Variants in PCDH15 observed in about 807,000 individuals in gnomAD.
PCDH15 encodes protocadherin-15.
In PCDH15, 129 loss-of-function variants were observed where a neutral mutation model predicts 178.5. The observed-to-expected ratio is 0.72, with a 90% CI of 0.63 to 0.84. The LOEUF is 0.84. Ranked by LOEUF, PCDH15 falls within the 40% of genes least tolerant of loss-of-function variation. The pLI is 0.00. For missense variants in PCDH15, 2,230 were observed against 2,099.9 expected (o/e 1.06, Z -1.21); for synonymous variants, 800 against 732.0 (o/e 1.09, Z -1.50).
intron 2 of PCDH15, among the ~76,000 whole-genome samples, chr10:55,014,037 A>C (rs1840110570): frequency 6.6e-6 from 1 of 152,236 alleles, no homozygotes; most frequent in African/African-American, 2.4e-5. Flanking sequence ...CTGAACAGTT[A>C]CTTTATAATA....
At chr10:55,151,661 C>T (rs1423425892) in intron 2 of PCDH15, among the ~76,000 whole-genome samples, 1 of 152,064 alleles carries the variant, frequency 6.6e-6, no homozygotes, top group Non-Finnish European at 1.5e-5. Context: ...TACTCTATCA[C>T]ATGACCATGT....
chr10:54,009,872 AC>A (rs201023512), intron 20 of PCDH15, among the ~76,000 whole-genome samples: 1,735 of 152,202 alleles, frequency 0.011, 16 homozygotes, highest in Middle Eastern at 0.024. Context: ...GCAGAGCCAT[AC>A]TCAGGCACAC....
intron 2 of PCDH15, among the ~76,000 whole-genome samples, chr10:54,594,531 C>T (rs558416373): frequency 6.6e-6 from 1 of 152,144 alleles, no homozygotes; most frequent in South Asian, 2.1e-4. Flanking sequence ...CTGCAGCTGA[C>T]TGGGAGAGTG....
chr10:54,563,186 C>A (rs553027378), intron 2 of PCDH15, among the ~76,000 whole-genome samples: 1 of 152,154 alleles, frequency 6.6e-6, no homozygotes, highest in Non-Finnish European at 1.5e-5. Flanking sequence ...ATGATCTATA[C>A]ATTTGAAAAA....
rs72798539 is a variant in PCDH15 at position 54,894,643 on chromosome 10, A to G, written c.-29+2807T>C. ...AAGTGACTTTTATTTCTGTATTAAAAATTCAGTTATTCCTATGGCCAACCA... is the reference window on the plus strand; with the variant it reads ...AAGTGACTTTTATTTCTGTATTAAAGATTCAGTTATTCCTATGGCCAACCA... On this transcript the variant is annotated intron_variant, in intron 3 of 5. Coordinates refer to the PCDH15 transcript ENST00000458638. Among the ~76,000 whole-genome samples the G allele has an allele frequency of 7.1e-3, 1,079 of 152,274 alleles. 9 individuals carry two copies. The highest frequency in any genetic ancestry group is 0.011 in the Non-Finnish European group (727 of 68,016).
intron 1 of PCDH15, among the ~76,000 whole-genome samples, chr10:54,715,129 G>T (rs1378696219): frequency 2.6e-5 from 4 of 151,884 alleles, no homozygotes; most frequent in Non-Finnish European, 5.9e-5. Context: ...ATCTGTTTTA[G>T]TTCACCACTA....
chr10:55,395,190 TGTGTGTGAGA>T (rs2132018180), intron 2 of PCDH15, among the ~76,000 whole-genome samples: 1 of 89,602 alleles, frequency 1.1e-5, no homozygotes, highest in African/African-American at 5.0e-5. Context: ...TGTGTGTGTG[TGTGTGTGAGA>T]GAGAGAGAGA....
intron 2 of PCDH15, among the ~76,000 whole-genome samples, chr10:55,451,758 A>G (rs1052486276): frequency 6.6e-6 from 1 of 152,180 alleles, no homozygotes. Context: ...GTTGACATCT[A>G]TATTAAGTGA....
intron 2 of PCDH15, among the ~76,000 whole-genome samples, chr10:54,663,601 T>C (rs977076688): frequency 4.6e-5 from 7 of 151,182 alleles, no homozygotes; most frequent in African/African-American, 1.7e-4. Context: ...CTTTCTAAAA[T>C]GACTGACTTA....
chr10:55,061,907 C>T (rs188946050), intron 2 of PCDH15, among the ~76,000 whole-genome samples: 519 of 152,282 alleles, frequency 3.4e-3, no homozygotes, highest in Middle Eastern at 6.8e-3. Flanking sequence ...GCAGTCCCAG[C>T]TACTCAGGAG....
intron 3 of PCDH15, among the ~76,000 whole-genome samples, chr10:54,416,834 G>T (rs1430708961): frequency 6.6e-6 from 1 of 152,122 alleles, no homozygotes; most frequent in African/African-American, 2.4e-5. Flanking sequence ...GCATGAGATG[G>T]TATCTCACTG....
chr10:53,892,910 A>C (rs1227717395), intron 26 of PCDH15, among the ~76,000 whole-genome samples: 3 of 152,220 alleles, frequency 2.0e-5, no homozygotes, highest in Non-Finnish European at 4.4e-5. Context: ...CATTTGTGCC[A>C]CAGAATTTCA....
rs1190069181 is a variant in PCDH15 at position 53,822,106 on chromosome 10, C to CTGTT, written c.4368-1880_4368-1877dup. 3 of 1,613,774 alleles carry CTGTT rather than the reference C, an allele frequency of 1.9e-6. No homozygotes were observed. The South Asian group carries it at 3.3e-5, about 18-fold the overall frequency. On this transcript the variant is annotated intron_variant, in intron 32 of 37. Coordinates refer to ENST00000644397, the MANE Select transcript of PCDH15 (RefSeq NM_001384140.1). Reference sequence around the variant, plus strand: ...ATGCCTTTTGGTTCTCTCTGAGGGTCTGTTTTACACACTGTCGTTGTTGAT... The same window carrying CTGTT: ...ATGCCTTTTGGTTCTCTCTGAGGGTCTGTTTGTTTTACACACTGTCGTTGTTGAT...
At chr10:54,980,804 T>C (rs764794989) in intron 2 of PCDH15, among the ~76,000 whole-genome samples, 1 of 152,118 alleles carries the variant, frequency 6.6e-6, no homozygotes, top group Non-Finnish European at 1.5e-5. Flanking sequence ...GACGATTTAT[T>C]GATATTAAAA....
At chr10:54,044,923 T>C (rs1349390631) in intron 18 of PCDH15, among the ~76,000 whole-genome samples, 1 of 151,984 alleles carries the variant, frequency 6.6e-6, no homozygotes, top group Non-Finnish European at 1.5e-5. Flanking sequence ...GTCCAGAAAA[T>C]TGCACATAAC....
At chr10:54,421,045 A>G (rs1290318308) in intron 3 of PCDH15, among the ~76,000 whole-genome samples, 1 of 152,058 alleles carries the variant, frequency 6.6e-6, no homozygotes, top group Non-Finnish European at 1.5e-5. Flanking sequence ...ATCATACCCT[A>G]TAGCTTTCTA....
chr10:54,929,788 G>A (rs568006526), intron 2 of PCDH15, among the ~76,000 whole-genome samples: 25 of 152,312 alleles, frequency 1.6e-4, no homozygotes, highest in African/African-American at 6.0e-4. Flanking sequence ...CAATCAGCTG[G>A]AGCTGTGTGA....
chr10:55,330,760 G>A (rs374110134), intron 2 of PCDH15, among the ~76,000 whole-genome samples: 2 of 151,542 alleles, frequency 1.3e-5, no homozygotes, highest in Non-Finnish European at 3.0e-5. Flanking sequence ...TCCTGATGAC[G>A]AAGGTCTCCA....
intron 8 of PCDH15, among the ~76,000 whole-genome samples, chr10:54,302,291 G>A (rs2060192613): frequency 6.6e-6 from 1 of 152,160 alleles, no homozygotes; most frequent in Non-Finnish European, 1.5e-5. Flanking sequence ...GATATTATGT[G>A]TTGTACAGGG....
Sources: allele counts gnomAD v4.1 joint callset (sites outside exome capture counted in the v4.1 genomes callset), GRCh38; gene constraint gnomAD v4.1.1; transcripts MANE v1.5; gene names NCBI Gene and HGNC (gene_info 2026-07-23, HGNC 2026-07-21).